MYT1L: variants seen among roughly 807,000 people sequenced by gnomAD.
MYT1L encodes the protein myelin transcription factor 1 like.
In MYT1L, 12 loss-of-function variants were observed where a neutral mutation model predicts 126.7. The observed-to-expected ratio is 0.09, with a 90% CI of 0.06 to 0.15. The LOEUF (loss-of-function observed/expected upper bound fraction) is 0.15. Ranked by LOEUF, MYT1L falls within the 10% of genes least tolerant of loss-of-function variation. The pLI, the probability that MYT1L is intolerant of heterozygous loss-of-function variation, is 1.00. For missense variants in MYT1L, 979 were observed against 1,585.2 expected (o/e 0.62, Z 6.49); for synonymous variants, 541 against 604.2 (o/e 0.90, Z 1.53).
At chr2:2,153,584 T>C (rs1375583453) in intron 3 of MYT1L, among the ~76,000 whole-genome samples, 1 of 152,104 alleles carries the variant, frequency 6.6e-6, no homozygotes, top group Non-Finnish European at 1.5e-5. Flanking sequence ...AGGAAAATCT[T>C]TACTAAGGGA....
chr2:1,815,287 C>T (rs564763850), intron 21 of MYT1L, among the ~76,000 whole-genome samples: 4 of 152,274 alleles, frequency 2.6e-5, no homozygotes, highest in East Asian at 1.9e-4. Context: ...TGTGTTGGTG[C>T]GGATGTCTCT....
At position 2,312,447 on chromosome 2, in the gene MYT1L, TA is replaced by T. The variant is rs577032969; in HGVS notation, c.-521+18519del. Reference sequence around the variant, plus strand: ...GCAACATGGTGAAACCCCATCTCTATAAAAAAAATTCAAAAATTAGCCAGGT... The same window carrying T: ...GCAACATGGTGAAACCCCATCTCTATAAAAAAATTCAAAAATTAGCCAGGT... On this transcript the variant is annotated intron_variant, in intron 1 of 24. Coordinates refer to ENST00000647738, the MANE Select transcript of MYT1L (RefSeq NM_001303052.2). 5.0e-3 allele frequency among the ~76,000 whole-genome samples: 760 copies of T among 151,642 alleles called. 6 individuals carry two copies. The highest frequency in any genetic ancestry group is 7.2e-3 in the Non-Finnish European group (491 of 67,848).
Position 1,903,149 on chromosome 2 carries a change from T to C in MYT1L, c.1963A>G (p.Thr655Ala). 6.2e-7 allele frequency: 1 copy of C among 1,614,008 alleles called. No individual in the cohort carries two copies. Among genetic ancestry groups the C allele is most frequent in the Non-Finnish European group, 8.5e-7 (1 of 1,179,898 alleles). Residue 655 changes from threonine (T) to alanine (A), a missense_variant, in exon 14 of 25, where the codon ACT (threonine) becomes GCT (alanine). Thr to Ala is a moderately conservative substitution (Grantham distance 58, BLOSUM62 0). Around this residue, in one of 12 missense-constraint regions of MYT1L, gnomAD observed 82 missense variants for 177.2 expected, o/e 0.46. Coordinates refer to ENST00000647738, the MANE Select transcript of MYT1L (RefSeq NM_001303052.2). ...SFEYNSYDNH[T>A]YGKRAIAPKV... is the part of the protein sequence containing the mutation. ...GGAGCTATGGCTCGCTTGCCATAAG[T>C]ATGGTTGTCGTAACTGTTGTATTCA...
intron 2 of MYT1L, among the ~76,000 whole-genome samples, chr2:2,245,623 C>T (rs1042008653): frequency 8.0e-5 from 12 of 150,630 alleles, no homozygotes; most frequent in African/African-American, 2.7e-4. Context: ...AATGGAGGCT[C>T]AAGGAGTTCC....
At chr2:2,277,781 C>G (rs1241980010) in intron 2 of MYT1L, among the ~76,000 whole-genome samples, 4 of 151,902 alleles carry the variant, frequency 2.6e-5, no homozygotes, top group Non-Finnish European at 4.4e-5. Flanking sequence ...ATACCCTTTG[C>G]AACAGAATAA....
In MYT1L at chr2:1,839,259, C is replaced by G. The variant is rs762215015; in HGVS notation, c.2970G>C (p.Leu990=). ...ACTTCCAGGAGAACTGGGAGCCATT[C>G]AGGTACCCGTCTTTCTGCCTCTTGG... ...LAAKRQKDGY[L]NGSQFSWKSV... is the part of the protein sequence containing the mutation. The change falls in exon 21 of 25, where the codon CTG becomes CTC. Residue 990 remains leucine (L), a synonymous_variant. Coordinates refer to ENST00000647738, the MANE Select transcript of MYT1L (RefSeq NM_001303052.2). 8.7e-6 allele frequency: 14 copies of G among 1,613,704 alleles called. No homozygotes were observed. In the East Asian group the frequency reaches 3.1e-4, roughly 36 times the overall value.
At chr2:2,151,374 G>T (rs2085756644) in intron 3 of MYT1L, among the ~76,000 whole-genome samples, 1 of 152,024 alleles carries the variant, frequency 6.6e-6, no homozygotes, top group South Asian at 2.1e-4. Flanking sequence ...AAAAACAGCT[G>T]GGGAGGGATG....
At chr2:2,304,941 T>G (rs1573391968) in intron 1 of MYT1L, among the ~76,000 whole-genome samples, 1 of 152,194 alleles carries the variant, frequency 6.6e-6, no homozygotes, top group Non-Finnish European at 1.5e-5. Context: ...CCAGTTTGAG[T>G]TGAGATGTAC....
chr2:1,892,266 G>A lies in MYT1L; in HGVS notation c.2054C>T (p.Pro685Leu). Residue 685 changes from proline (P) to leucine (L), a missense_variant, in exon 15 of 25, where the codon CCC becomes CTC. Physicochemically the swap from Pro to Leu is moderately conservative, Grantham distance 98. This residue lies in a region of MYT1L where 57 missense variants were observed against 60.3 expected (regional missense o/e 0.94). Coordinates refer to ENST00000647738, the MANE Select transcript of MYT1L (RefSeq NM_001303052.2). ...GCTGGTGCTGCTGCTGCTGGGGCTG[G>A]GGTCCTTGCAGTACCGCTTCGCTGG... ...YDDAKRYCKD[P>L]SPSSSSTSSY... The A allele has an allele frequency of 6.5e-7, 1 of 1,549,272 alleles. No individual in the cohort carries two copies. Among genetic ancestry groups the A allele is most frequent in the Non-Finnish European group, 8.7e-7 (1 of 1,146,466 alleles).
intron 3 of MYT1L, among the ~76,000 whole-genome samples, chr2:2,082,395 AAAAC>A (rs1202053333): frequency 4.6e-5 from 7 of 152,180 alleles, no homozygotes; most frequent in Non-Finnish European, 8.8e-5. Flanking sequence ...GAGTCACTGA[AAAAC>A]AGTCTCATTT....
At chr2:1,804,887 CT>C (rs2035449105) in intron 22 of MYT1L, among the ~76,000 whole-genome samples, 1 of 152,190 alleles carries the variant, frequency 6.6e-6, no homozygotes, top group African/African-American at 2.4e-5. Context: ...AGCTTGCTTT[CT>C]GCTGTGATAG....
At chr2:2,242,161 G>A (rs1181357457) in intron 2 of MYT1L, among the ~76,000 whole-genome samples, 2 of 152,278 alleles carry the variant, frequency 1.3e-5, no homozygotes, top group Admixed American at 1.3e-4. Flanking sequence ...GAAGATCAGA[G>A]TTCATTATTA....
chr2:2,289,154 G>C (rs1438654632), intron 1 of MYT1L, among the ~76,000 whole-genome samples: 1 of 152,198 alleles, frequency 6.6e-6, no homozygotes, highest in Non-Finnish European at 1.5e-5. Context: ...ACAACAGAGG[G>C]TGATGCCTGT....
Position 1,822,320 on chromosome 2 carries a change from T to A in MYT1L, c.3081-13153A>T, listed in dbSNP as rs528219731. Among the ~76,000 whole-genome samples, 60 of 152,318 alleles carry A rather than the reference T, an allele frequency of 3.9e-4. 1 individual carries two copies. The Middle Eastern group carries it at 0.017, about 43-fold the overall frequency. ...TGTTTTAAGATTTAGTGGAGATATATGTGATTTCAGTCTGCAGAGCTTGGC... is the reference window on the plus strand; with the variant it reads ...TGTTTTAAGATTTAGTGGAGATATAAGTGATTTCAGTCTGCAGAGCTTGGC... On this transcript the variant is annotated intron_variant, in intron 21 of 24. Transcript: ENST00000647738.
intron 14 of MYT1L, among the ~76,000 whole-genome samples, chr2:1,894,331 G>A (rs989297917): frequency 7.2e-5 from 11 of 152,156 alleles, no homozygotes; most frequent in Admixed American, 2.6e-4. Context: ...GACCACCGTG[G>A]GGCTGCAAAG....
rs576574856 is a variant in MYT1L, at chr2:1,912,273, A to T, written c.1619-163T>A. ...GGAAAACACACATGGGAGGAGAAAGAAGGTTGACTGGACCCTACGGACCCT... is the reference window on the plus strand; with the variant it reads ...GGAAAACACACATGGGAGGAGAAAGTAGGTTGACTGGACCCTACGGACCCT... On this transcript the variant is annotated intron_variant, in intron 11 of 24. Transcript: ENST00000647738. The surrounding 1 kb of genome is among the most constrained non-coding windows in gnomAD (Gnocchi z 4.3). Among the ~76,000 whole-genome samples, 4 of 152,134 alleles carry T rather than the reference A, an allele frequency of 2.6e-5. No individual in the cohort carries two copies. In the South Asian group the frequency reaches 8.3e-4, roughly 32 times the overall value.
chr2:2,240,096 G>A (rs571098147), intron 2 of MYT1L, among the ~76,000 whole-genome samples: 3 of 152,226 alleles, frequency 2.0e-5, no homozygotes, highest in Non-Finnish European at 4.4e-5. Flanking sequence ...TCAGGAGTTT[G>A]AGACCAGCCT....
At chr2:2,319,882 T>C (rs2096130851) in intron 1 of MYT1L, among the ~76,000 whole-genome samples, 1 of 152,006 alleles carries the variant, frequency 6.6e-6, no homozygotes. Flanking sequence ...AGGTACTCAA[T>C]ATATGCACAT....
intron 2 of MYT1L, among the ~76,000 whole-genome samples, chr2:2,277,149 T>A (rs2095373053): frequency 6.6e-6 from 1 of 151,484 alleles, no homozygotes; most frequent in Admixed American, 6.7e-5. Context: ...CCCCGGCTAA[T>A]TTTTTTTGTA....
Sources: allele counts gnomAD v4.1 joint callset (sites outside exome capture counted in the v4.1 genomes callset), GRCh38; gene constraint gnomAD v4.1.1; regional missense constraint gnomAD v4.1.1; non-coding constraint Gnocchi (gnomAD v3.1); transcripts MANE v1.5; gene names NCBI Gene and HGNC (gene_info 2026-07-23, HGNC 2026-07-21).